DMD: variants seen among roughly 807,000 people sequenced by gnomAD.
DMD encodes mutant dystrophin.
Under a neutral mutation model 330.1 loss-of-function variants are expected in DMD, and 63 were observed. That is an observed-to-expected ratio of 0.19 (90% CI 0.16 to 0.24). The LOEUF is 0.24. DMD is among the 10% of genes least tolerant of loss of function. The pLI, the probability that DMD is intolerant of heterozygous loss-of-function variation, is 1.00. For missense variants in DMD, 3,344 were observed against 2,684.1 expected (o/e 1.25, Z -5.43); for synonymous variants, 1,223 against 959.8 (o/e 1.27, Z -5.07).
At chrX:31,761,490 T>C (rs2089588445) in intron 51 of DMD, among the ~76,000 whole-genome samples, 1 of 112,204 alleles carries the variant, frequency 8.9e-6, no homozygotes, top group African/African-American at 3.2e-5. Flanking sequence ...ACTATATTAC[T>C]TGTTTTCTTG....
At chrX:31,881,049 G>A (rs751551238) in intron 47 of DMD, among the ~76,000 whole-genome samples, 5 of 111,319 alleles carry the variant, frequency 4.5e-5, no homozygotes, top group Middle Eastern at 4.6e-3. Flanking sequence ...AGGCTCATGT[G>A]CGTGTTTGTG....
At chrX:31,652,496 A>C (rs1470995379) in intron 54 of DMD, among the ~76,000 whole-genome samples, 1 of 112,007 alleles carries the variant, frequency 8.9e-6, no homozygotes, top group Non-Finnish European at 1.9e-5. Flanking sequence ...TTGTTGAGTA[A>C]GTAAATTAAT....
intron 12 of DMD, among the ~76,000 whole-genome samples, chrX:32,613,754 T>C (rs2057353290): frequency 9.0e-6 from 1 of 111,689 alleles, no homozygotes; most frequent in Admixed American, 9.6e-5. Context: ...ATATGTTTGA[T>C]TTCTTTTCCA....
intron 59 of DMD, among the ~76,000 whole-genome samples, chrX:31,449,456 A>T (rs2065525927): frequency 9.0e-6 from 1 of 110,583 alleles, no homozygotes; most frequent in Non-Finnish European, 1.9e-5. Flanking sequence ...AAAACAGTTG[A>T]TCCAGGTTTG....
intron 44 of DMD, among the ~76,000 whole-genome samples, chrX:32,034,968 T>C (rs978215761): frequency 2.7e-5 from 3 of 111,834 alleles, no homozygotes; most frequent in Non-Finnish European, 5.7e-5. Context: ...AAATACTTTA[T>C]TTGCTACTTA....
At chrX:31,979,534 G>T (rs1010858579) in intron 44 of DMD, among the ~76,000 whole-genome samples, 2 of 111,607 alleles carry the variant, frequency 1.8e-5, no homozygotes, top group African/African-American at 6.5e-5. Context: ...TTTTATGCAC[G>T]TTGAAAGAAT....
intron 2 of DMD, among the ~76,000 whole-genome samples, chrX:32,861,165 A>C (rs1247798904): frequency 8.9e-6 from 1 of 111,923 alleles, no homozygotes; most frequent in African/African-American, 3.2e-5. Context: ...GCAAAGATTT[A>C]AGTGAACTTA....
intron 7 of DMD, among the ~76,000 whole-genome samples, chrX:32,732,268 G>T (rs1251524881): frequency 9.0e-6 from 1 of 111,150 alleles, no homozygotes; most frequent in Non-Finnish European, 1.9e-5. Context: ...TATGTGAAAA[G>T]ACCAAATCTA....
chrX:33,262,765 A>AC (rs2052979477), intron 1 of DMD, among the ~76,000 whole-genome samples: 1 of 110,976 alleles, frequency 9.0e-6, no homozygotes, highest in Admixed American at 9.7e-5. Flanking sequence ...TTCACTATTC[A>AC]CAAAAAAACC....
chrX:31,479,253 A>T (rs1176103982), intron 57 of DMD, 150 bp from the exon 58 acceptor site: 28 of 647,987 alleles, frequency 4.3e-5, no homozygotes, highest in East Asian at 7.5e-5. Context: ...GATTTTTTTT[A>T]AAGGCTATAT....
intron 9 of DMD, among the ~76,000 whole-genome samples, chrX:32,695,113 C>T (rs762082436): frequency 3.2e-4 from 36 of 112,196 alleles, no homozygotes; most frequent in African/African-American, 1.1e-3. Context: ...CAAACACAAG[C>T]GCTAAATAAT....
chrX:32,342,755 T>C, intron 40 of DMD: 2 of 312,959 alleles, frequency 6.4e-6, no homozygotes, highest in East Asian at 9.1e-5. Flanking sequence ...AATAAATCTA[T>C]AGAGAGTGAA....
rs956694720 is a variant in DMD, at chrX:33,076,183, T to C, written c.32-55983A>G. On this transcript the variant is annotated intron_variant, in intron 1 of 78. Transcript: ENST00000357033. The stretch of plus-strand genomic sequence containing the variant: ...ACAGCTTTGACTCCCTATGATTTCA[T>C]CTCTGATCCAACCAATCATTACTTC... Among the ~76,000 whole-genome samples the C allele has an allele frequency of 2.7e-5, 3 of 111,204 alleles. No individual in the cohort carries two copies. The Admixed American group carries it at 2.9e-4, about 11-fold the overall frequency.
intron 9 of DMD, among the ~76,000 whole-genome samples, chrX:32,650,261 T>G (rs1284601329): frequency 8.9e-6 from 1 of 112,155 alleles, no homozygotes; most frequent in Non-Finnish European, 1.9e-5. Flanking sequence ...ATGATACGAC[T>G]GTTAACCTGG....
chrX:31,175,463 G>A (rs1402520825), intron 71 of DMD, among the ~76,000 whole-genome samples: 1 of 110,584 alleles, frequency 9.0e-6, no homozygotes, highest in African/African-American at 3.3e-5. Context: ...GCATGCATAA[G>A]CACAAGAACT....
chrX:31,881,873 T>C (rs2094075239), intron 47 of DMD, among the ~76,000 whole-genome samples: 2 of 112,198 alleles, frequency 1.8e-5, no homozygotes, highest in African/African-American at 3.2e-5. Context: ...TGCATGACTA[T>C]ATATGTTGCT....
At chrX:32,656,545 A>T (rs1185335868) in intron 9 of DMD, among the ~76,000 whole-genome samples, 1 of 112,287 alleles carries the variant, frequency 8.9e-6, no homozygotes, top group Non-Finnish European at 1.9e-5. Flanking sequence ...TTTACTATAA[A>T]AATGTATCTG....
intron 21 of DMD, among the ~76,000 whole-genome samples, chrX:32,475,907 G>C (rs1042626838): frequency 9.0e-6 from 1 of 110,810 alleles, no homozygotes; most frequent in South Asian, 3.8e-4. Flanking sequence ...AGGACTTCTA[G>C]TACTATGCTG....
At chrX:33,098,150 C>A (rs1404706499) in intron 1 of DMD, among the ~76,000 whole-genome samples, 1 of 111,471 alleles carries the variant, frequency 9.0e-6, no homozygotes, top group African/African-American at 3.3e-5. Context: ...TTGAATCTTT[C>A]CCAGATAGGA....
Sources: allele counts gnomAD v4.1 joint callset (sites outside exome capture counted in the v4.1 genomes callset), GRCh38; gene constraint gnomAD v4.1.1; transcripts MANE v1.5; gene names NCBI Gene and HGNC (gene_info 2026-07-23, HGNC 2026-07-21).